The following VDAC1 variants were observed in gnomAD, a reference collection of about 807,000 sequenced individuals.
The protein encoded by VDAC1 is voltage dependent anion channel 1.
VDAC1 carries 10 observed loss-of-function variants against 34.7 expected under a neutral mutation model. That is an observed-to-expected ratio of 0.29 (90% CI 0.18 to 0.49). The LOEUF is 0.49. VDAC1 is among the 20% of genes least tolerant of loss of function. The pLI is 0.99. For synonymous variants in VDAC1, 130 were observed against 136.0 expected, an observed-to-expected ratio of 0.96 and a Z score of 0.30; for missense variants, 230 against 347.9, an observed-to-expected ratio of 0.66 and a Z score of 2.69.
intron 6 of VDAC1, 82 bp downstream of exon 6, chr5:133,980,647 A>AAC: frequency 9.7e-7 from 1 of 1,029,424 alleles, no homozygotes; most frequent in South Asian, 1.7e-5. Context: ...AAAAAAAAAA[A>AAC]AAAAAACAGT....
chr5:134,084,130 AAC>A, the VDAC1 span, among the ~76,000 whole-genome samples: 1 of 152,264 alleles, frequency 6.6e-6, no homozygotes, highest in Non-Finnish European at 1.5e-5. Flanking sequence ...ACTTGGCTCA[AAC>A]ACAGTGTCCT....
chr5:134,088,956 T>C, the VDAC1 span, among the ~76,000 whole-genome samples: 1 of 152,278 alleles, frequency 6.6e-6, no homozygotes, highest in Non-Finnish European at 1.5e-5. Context: ...TCATCCACGC[T>C]GTTGCATGCA....
the VDAC1 span, among the ~76,000 whole-genome samples, chr5:134,031,826 C>T: frequency 2.0e-5 from 3 of 151,884 alleles, no homozygotes; most frequent in Non-Finnish European, 4.4e-5. Context: ...TGGCAGGTGC[C>T]TGTAATCCCA....
At chr5:134,033,688 A>G in the VDAC1 span, among the ~76,000 whole-genome samples, 10 of 150,936 alleles carry the variant, frequency 6.6e-5, no homozygotes, top group East Asian at 1.9e-3. Flanking sequence ...AAAAAAAAAA[A>G]GTAAAAAAAG....
At chr5:134,113,684 C>A in the VDAC1 span, among the ~76,000 whole-genome samples, 8 of 152,400 alleles carry the variant, frequency 5.2e-5, no homozygotes, top group South Asian at 1.7e-3. Flanking sequence ...CCAGGCCAAG[C>A]GCGCCGTGGA....
the VDAC1 span, among the ~76,000 whole-genome samples, chr5:134,033,608 C>T: frequency 6.6e-6 from 1 of 150,812 alleles, no homozygotes; most frequent in Non-Finnish European, 1.5e-5. Context: ...GGCAGTATTT[C>T]ACGTACCAAT....
the VDAC1 span, among the ~76,000 whole-genome samples, chr5:134,012,397 C>G: frequency 1.3e-5 from 2 of 152,140 alleles, no homozygotes; most frequent in Non-Finnish European, 2.9e-5. Flanking sequence ...AAAGACAATT[C>G]TAGAAATGAT....
the VDAC1 span, among the ~76,000 whole-genome samples, chr5:134,054,458 C>CTTTTTTTTTTTTTTTTTTT: frequency 4.0e-5 from 5 of 123,544 alleles, no homozygotes; most frequent in African/African-American, 9.3e-5. Context: ...TCCTTCCTTC[C>CTTTTTTTTTTTTTTTTTTT]TTTTTTTTTT....
At chr5:134,103,622 G>A in the VDAC1 span, among the ~76,000 whole-genome samples, 1 of 152,226 alleles carries the variant, frequency 6.6e-6, no homozygotes, top group Non-Finnish European at 1.5e-5. Context: ...TCTCACGCTT[G>A]GAAATGCAGA....
the VDAC1 span, among the ~76,000 whole-genome samples, chr5:134,073,013 G>A: frequency 3.7e-4 from 57 of 152,298 alleles, 1 homozygote; most frequent in South Asian, 0.011. Flanking sequence ...GGGGTGGGCG[G>A]TTGGATGCCA....
At chr5:133,995,949 G>C (rs915759561) in intron 1 of VDAC1, among the ~76,000 whole-genome samples, 1 of 151,808 alleles carries the variant, frequency 6.6e-6, no homozygotes, top group Non-Finnish European at 1.5e-5. Flanking sequence ...CTTCCACCCA[G>C]ATCTGCTCCA....
At chr5:134,006,261 C>A (rs1753747325), upstream of VDAC1, among the ~76,000 whole-genome samples, 1 of 152,118 alleles carries the variant, frequency 6.6e-6, no homozygotes, top group Non-Finnish European at 1.5e-5. Context: ...CCTGGTGGTC[C>A]CCACCCCGCA....
chr5:134,032,553 T>C, the VDAC1 span, among the ~76,000 whole-genome samples: 38 of 152,274 alleles, frequency 2.5e-4, 1 homozygote, highest in East Asian at 6.7e-3. Context: ...GGAAATTATC[T>C]AAATGTCCAT....
At chr5:134,038,536 CA>C in the VDAC1 span, among the ~76,000 whole-genome samples, 1 of 152,178 alleles carries the variant, frequency 6.6e-6, no homozygotes, top group Admixed American at 6.5e-5. Flanking sequence ...CCACCCCCCA[CA>C]AATATCATTC....
chr5:134,085,037 A>G, the VDAC1 span, among the ~76,000 whole-genome samples: 1 of 151,462 alleles, frequency 6.6e-6, no homozygotes, highest in African/African-American at 2.4e-5. Flanking sequence ...CAAAGTGAAA[A>G]ATAAAATCAA....
the VDAC1 span, among the ~76,000 whole-genome samples, chr5:134,086,612 T>A: frequency 6.6e-6 from 1 of 152,258 alleles, no homozygotes; most frequent in Non-Finnish European, 1.5e-5. Context: ...TTTCCTCCTG[T>A]CCCAGGACCT....
chr5:134,015,451 A>G, the VDAC1 span, among the ~76,000 whole-genome samples: 1 of 152,208 alleles, frequency 6.6e-6, no homozygotes, highest in African/African-American at 2.4e-5. Context: ...TGGAACATTG[A>G]TCTTAAACTT....
the VDAC1 span, among the ~76,000 whole-genome samples, chr5:134,081,351 G>C: frequency 6.6e-6 from 1 of 151,704 alleles, no homozygotes; most frequent in Non-Finnish European, 1.5e-5. Flanking sequence ...ATAACTTTTT[G>C]TATTTTTGGT....
the VDAC1 span, among the ~76,000 whole-genome samples, chr5:134,091,315 A>G: frequency 6.6e-6 from 1 of 152,178 alleles, no homozygotes; most frequent in Admixed American, 6.5e-5. Flanking sequence ...GGTTACCACT[A>G]TTCCAACGTA....
Sources: gnomAD v4.1 joint callset for allele counts (sites outside exome capture counted in the v4.1 genomes callset) on GRCh38, gnomAD v4.1.1 for gene constraint, MANE v1.5 for transcripts, NCBI Gene and HGNC (gene_info 2026-07-23, HGNC 2026-07-21) for gene names.